GIT2: variants seen among roughly 807,000 people sequenced by gnomAD.
GIT2 encodes the protein ARF GTPase-activating protein GIT2.
A neutral mutation model predicts 100.3 loss-of-function variants in GIT2; 32 were observed. The observed-to-expected ratio is 0.32, with a 90% CI of 0.24 to 0.43. The LOEUF is 0.43. Ranked by LOEUF, GIT2 falls within the 20% of genes least tolerant of loss-of-function variation. The probability of loss-of-function intolerance (pLI) is 1.00; values close to 1 mark genes in which losing one functional copy is unlikely to be tolerated. For synonymous variants in GIT2, 353 were observed against 364.1 expected (o/e 0.97, Z 0.35); for missense variants, 737 against 975.1 (o/e 0.76, Z 3.25).
chr12:109,986,670 C>G (rs1380058009), intron 4 of GIT2, among the ~76,000 whole-genome samples: 1 of 152,162 alleles, frequency 6.6e-6, no homozygotes, highest in Non-Finnish European at 1.5e-5. Flanking sequence ...GAGGCTGAGG[C>G]AGGAGAATGG....
intron 4 of GIT2, among the ~76,000 whole-genome samples, chr12:109,985,897 T>C (rs779144111): frequency 9.9e-5 from 15 of 151,650 alleles, no homozygotes; most frequent in Non-Finnish European, 1.9e-4. Flanking sequence ...CCAGGCTTGG[T>C]GGCACATGCC....
intron 6 of GIT2, 148 bp downstream of exon 6, chr12:109,983,225 T>A (rs957842071): frequency 1.4e-6 from 1 of 709,462 alleles, no homozygotes. Context: ...TGAGCTTATA[T>A]GCATTTGAAA....
intron 4 of GIT2, among the ~76,000 whole-genome samples, chr12:109,985,995 G>A (rs1175664638): frequency 6.6e-6 from 1 of 151,422 alleles, no homozygotes; most frequent in Non-Finnish European, 1.5e-5. Context: ...ATTGTGCCAC[G>A]ACACTCCAGC....
Position 109,941,673 on chromosome 12 carries a change from C to T in GIT2, c.1732-2426G>A, listed in dbSNP as rs901183176. Among the ~76,000 whole-genome samples, 4 of 151,818 alleles carry T rather than the reference C, an allele frequency of 2.6e-5. No individual in the cohort carries two copies. The South Asian group carries it at 8.3e-4, about 31-fold the overall frequency. ...AGTAGCTGGGATTACAGGCATGCAC[C>T]ACCATACCGAGCTAATTTTGTATTT... On this transcript the variant is annotated intron_variant, in intron 16 of 19. Transcript: ENST00000355312.
At chr12:109,966,574 G>A (rs1882504715) in intron 8 of GIT2, among the ~76,000 whole-genome samples, 1 of 151,002 alleles carries the variant, frequency 6.6e-6, no homozygotes, top group South Asian at 2.1e-4. Flanking sequence ...CTCATAGGGA[G>A]GCCAGGGCAG....
chr12:109,989,017 G>A lies in GIT2; in HGVS notation c.351C>T (p.Val117=). ...IRAKYQMLAF[V]HRLPCRDDDS... ...CGTCATCCCGGCAGGGCAAGCGATGGACGAACGCTAACATCTGATACTTGG... is the reference window on the plus strand; with the variant it reads ...CGTCATCCCGGCAGGGCAAGCGATGAACGAACGCTAACATCTGATACTTGG... The change falls in exon 4 of 20, where the codon GTC becomes GTT. Residue 117 remains valine, a synonymous_variant. Transcript: ENST00000355312. 1 of 1,613,278 alleles carries A rather than the reference G, an allele frequency of 6.2e-7. No individual in the cohort carries two copies. The highest frequency in any genetic ancestry group is 2.2e-5 in the East Asian group (1 of 44,872).
chr12:109,941,473 AAAG>A (rs1299093053), intron 16 of GIT2, among the ~76,000 whole-genome samples: 1 of 152,184 alleles, frequency 6.6e-6, no homozygotes, highest in Non-Finnish European at 1.5e-5. Flanking sequence ...AATGAAAAAG[AAAG>A]AAGAAAAACC....
intron 1 of GIT2, 99 bp downstream of exon 1, chr12:109,996,074 C>A (rs1200163710): frequency 4.0e-6 from 3 of 755,268 alleles, no homozygotes; most frequent in Non-Finnish European, 6.0e-6. Context: ...TTCGTTGCGA[C>A]CCTAGCCGCG....
chr12:109,991,731 T>A lies in GIT2; in HGVS notation c.82A>T (p.Thr28Ser). The change falls in exon 2 of 20, where the codon ACG becomes TCG. Residue 28 changes from threonine to serine, a missense_variant. Transcript: ENST00000355312. ...DPSWASVNRG[T>S]FLCDECCSVH... Reference sequence around the variant, plus strand: ...CTGCAGCACTCATCACATAAAAACGTTCCCCTATTTACTGATGCCCAGGAA... The same window carrying A: ...CTGCAGCACTCATCACATAAAAACGATCCCCTATTTACTGATGCCCAGGAA... The A allele has an allele frequency of 6.2e-7, 1 of 1,613,274 alleles. No individual in the cohort carries two copies. The highest frequency in any genetic ancestry group is 1.1e-5 in the South Asian group (1 of 91,022).
rs183731542 is a variant in GIT2, at chr12:109,935,015, T to C, written c.2004-930A>G. 3.9e-3 allele frequency among the ~76,000 whole-genome samples: 592 copies of C among 151,742 alleles called. 2 individuals are homozygous for C. The highest frequency in any genetic ancestry group is 0.014 in the African/African-American group (568 of 41,376). On this transcript the variant is annotated intron_variant, in intron 18 of 19. Transcript: ENST00000355312. ...ATCGCTTGAACCCGGGAGGCAGAGG[T>C]TGCAGTGAGCCAAGATTGTGCCACT... is the stretch of plus-strand genomic sequence containing the variant.
chr12:109,973,896 G>T (rs1377971200), intron 7 of GIT2, among the ~76,000 whole-genome samples: 1 of 151,864 alleles, frequency 6.6e-6, no homozygotes, highest in Non-Finnish European at 1.5e-5. Flanking sequence ...ACAAAAATGT[G>T]CCAGGCATGG....
intron 8 of GIT2, 75 bp from the exon 9 acceptor site, chr12:109,965,652 A>G: frequency 1.1e-6 from 1 of 937,786 alleles, no homozygotes; most frequent in Non-Finnish European, 1.7e-6. Flanking sequence ...TAAGACACCC[A>G]AGAGATAAAA....
upstream of GIT2, among the ~76,000 whole-genome samples, chr12:110,000,150 C>A (rs1316790811): frequency 6.6e-6 from 1 of 152,192 alleles, no homozygotes; most frequent in Non-Finnish European, 1.5e-5. Context: ...CCGTCTTAAC[C>A]ATTTTTAGGT....
intron 7 of GIT2, among the ~76,000 whole-genome samples, chr12:109,974,569 T>G (rs1256332895): frequency 6.6e-6 from 1 of 152,206 alleles, no homozygotes; most frequent in Non-Finnish European, 1.5e-5. Context: ...CACTTGGGTA[T>G]TCTCCAGTTT....
At position 109,965,506 on chromosome 12, in the gene GIT2, C is replaced by T. The variant is rs751629349; in HGVS notation, c.816+20G>A. ...CACTGATTCTCATACTAGAGAAAAC[C>T]AGTACAGAGAAATACTCACAGATTG... On this transcript the variant is annotated intron_variant, in intron 9 of 19. Transcript: ENST00000355312. 1.3e-6 allele frequency: 2 copies of T among 1,484,926 alleles called. No individual in the cohort carries two copies. The highest frequency in any genetic ancestry group is 1.4e-5 in the African/African-American group (1 of 72,286). 92.0% of individuals were successfully genotyped at this position (1,484,926 alleles called of 1,614,324 possible).
At chr12:109,952,269 G>A (rs1362162194) in intron 13 of GIT2, among the ~76,000 whole-genome samples, 2 of 152,128 alleles carry the variant, frequency 1.3e-5, no homozygotes, top group Non-Finnish European at 2.9e-5. Context: ...CTGTGGGTGT[G>A]TCCTGGGGGT....
At position 109,976,125 on chromosome 12, in the gene GIT2, C is replaced by CACACACACACAA. The variant is rs753659023; in HGVS notation, c.718+4826_718+4827insTTGTGTGTGTGT. 8.9e-4 allele frequency among the ~76,000 whole-genome samples: 134 copies of CACACACACACAA among 151,222 alleles called. 1 individual carries two copies. The highest frequency in any genetic ancestry group is 3.1e-3 in the African/African-American group (126 of 41,274). The stretch of plus-strand genomic sequence containing the variant: ...TACTATACACACACACACACACAAA[C>CACACACACACAA]ACACACACACACAACTTTTCACAGT... On this transcript the variant is annotated intron_variant, in intron 7 of 19. Coordinates refer to ENST00000355312, the MANE Select transcript of GIT2 (RefSeq NM_057169.5).
Position 109,948,123 on chromosome 12 carries a change from TAAAAAAA to T in GIT2, c.1393-626_1393-620del, listed in dbSNP as rs556462807. On this transcript the variant is annotated intron_variant, in intron 14 of 19. Coordinates refer to ENST00000355312, the MANE Select transcript of GIT2 (RefSeq NM_057169.5). The surrounding 1 kb of genome is among the most constrained non-coding windows in gnomAD (Gnocchi z 4.3). ...ATATTCCAAACAATTCAGCACTTTG[TAAAAAAA>T]AAAAGAAAAAAGAGAAAACCGGATC... 5 of 762,494 alleles carry T rather than the reference TAAAAAAA, an allele frequency of 6.6e-6. No individual in the cohort carries two copies. Among genetic ancestry groups the T allele is most frequent in the East Asian group, 1.3e-4 (1 of 7,712 alleles). The allele number at this position is 762,494 out of a possible 1,614,324, so 47.2% of individuals were successfully genotyped here. A position where few individuals can be genotyped will look rare whatever the true frequency, so the allele number is the denominator to read the frequency against.
chr12:109,961,476 G>A, intron 10 of GIT2, 101 bp from the exon 11 acceptor site: 1 of 937,302 alleles, frequency 1.1e-6, no homozygotes, highest in Non-Finnish European at 1.8e-6. Flanking sequence ...ACACTCTGAA[G>A]CCAACACACG....
Sources: gnomAD v4.1 joint callset for allele counts (sites outside exome capture counted in the v4.1 genomes callset) on GRCh38, gnomAD v4.1.1 for gene constraint, Gnocchi (gnomAD v3.1) non-coding constraint, MANE v1.5 for transcripts, NCBI Gene and HGNC (gene_info 2026-07-23, HGNC 2026-07-21) for gene names.